Variants in CERT1 observed in about 807,000 individuals in gnomAD.
The protein encoded by CERT1 is ceramide transfer protein.
CERT1 carries 31 observed loss-of-function variants against 87.9 expected under a neutral mutation model. The observed-to-expected ratio is 0.35, with a 90% CI of 0.27 to 0.48. The LOEUF (loss-of-function observed/expected upper bound fraction) is 0.48, where lower values mean the gene tolerates loss of function less well. CERT1 is among the 20% of genes least tolerant of loss of function. The pLI, the probability that CERT1 is intolerant of heterozygous loss-of-function variation, is 0.99. For missense variants in CERT1, 487 were observed against 758.0 expected (o/e 0.64, Z 4.20); for synonymous variants, 289 against 250.9 (o/e 1.15, Z -1.44).
chr5:75,373,596 C>CA (rs1761161508), downstream of CERT1: 2 of 152,300 alleles, frequency 1.3e-5, no homozygotes, highest in South Asian at 4.1e-4. Flanking sequence ...AGGTTACTGA[C>CA]AGCCCTCAGT....
At chr5:75,459,209 G>A (rs1765126125) in intron 2 of CERT1, 28 bp from the exon 3 acceptor site, 1 of 1,396,330 alleles carries the variant, frequency 7.2e-7, no homozygotes, top group African/African-American at 1.4e-5. Flanking sequence ...AAAATGAAAA[G>A]CAAAGCTAAT....
chr5:75,485,196 G>A (rs1267702738), intron 2 of CERT1, among the ~76,000 whole-genome samples: 1 of 151,564 alleles, frequency 6.6e-6, no homozygotes, highest in Non-Finnish European at 1.5e-5. Flanking sequence ...GGTTGGGAGT[G>A]GTGTTTCACA....
intron 16 of CERT1, among the ~76,000 whole-genome samples, chr5:75,380,633 A>G (rs1341757209): frequency 6.6e-6 from 1 of 152,000 alleles, no homozygotes; most frequent in East Asian, 1.9e-4. Context: ...CTAAAAATAC[A>G]AAAAACTAGC....
At chr5:75,406,838 C>G (rs1289969571) in intron 8 of CERT1, among the ~76,000 whole-genome samples, 1 of 152,052 alleles carries the variant, frequency 6.6e-6, no homozygotes, top group African/African-American at 2.4e-5. Context: ...AGCCACCACA[C>G]CCAGCCACAT....
intron 2 of CERT1, among the ~76,000 whole-genome samples, chr5:75,494,050 T>C (rs947548089): frequency 8.5e-5 from 13 of 152,304 alleles, no homozygotes; most frequent in Admixed American, 5.2e-4. Flanking sequence ...TTCCTTCTTT[T>C]TGTTGGACAT....
intron 3 of CERT1, among the ~76,000 whole-genome samples, chr5:75,435,456 T>C (rs1468711787): frequency 3.3e-5 from 5 of 152,254 alleles, no homozygotes; most frequent in Admixed American, 1.3e-4. Context: ...TTCAGAGCCA[T>C]TGCTGGGGAG....
At chr5:75,379,682 T>C (rs1014248935) in intron 16 of CERT1, among the ~76,000 whole-genome samples, 1 of 152,034 alleles carries the variant, frequency 6.6e-6, no homozygotes, top group African/African-American at 2.4e-5. Flanking sequence ...GCCTCCGGGG[T>C]TCAAGTGATT....
At chr5:75,444,038 T>G (rs1764430478) in intron 3 of CERT1, among the ~76,000 whole-genome samples, 1 of 152,192 alleles carries the variant, frequency 6.6e-6, no homozygotes, top group Admixed American at 6.5e-5. Context: ...TCTTTGGATC[T>G]CAAGTGTCAT....
intron 2 of CERT1, among the ~76,000 whole-genome samples, chr5:75,472,776 G>A (rs186466511): frequency 6.6e-6 from 1 of 152,264 alleles, no homozygotes; most frequent in East Asian, 1.9e-4. Flanking sequence ...GTGTTGGCAA[G>A]AGTGTGGAGA....
chr5:75,410,945 T>C, intron 8 of CERT1, 66 bp downstream of exon 8: 1 of 846,908 alleles, frequency 1.2e-6, no homozygotes, highest in Non-Finnish European at 1.9e-6. Context: ...AGAGTATTAT[T>C]AAAAAATCAC....
chr5:75,478,325 TAAAA>T (rs995415337), intron 2 of CERT1, among the ~76,000 whole-genome samples: 8 of 145,120 alleles, frequency 5.5e-5, no homozygotes, highest in African/African-American at 1.8e-4. Context: ...AAAAAAAAAA[TAAAA>T]AAAAGAAAAG....
chr5:75,444,548 CTTTTT>C (rs952234196), intron 3 of CERT1, among the ~76,000 whole-genome samples: 4 of 128,808 alleles, frequency 3.1e-5, no homozygotes, highest in Admixed American at 7.7e-5. Flanking sequence ...CTTTTCTTTT[CTTTTT>C]TTTTTTTTTT....
intron 3 of CERT1, among the ~76,000 whole-genome samples, chr5:75,442,377 C>T (rs867999046): frequency 3.3e-5 from 5 of 152,268 alleles, no homozygotes; most frequent in Non-Finnish European, 7.4e-5. Context: ...CACACCACCA[C>T]GTCCAGCTAA....
intron 11 of CERT1, among the ~76,000 whole-genome samples, chr5:75,394,691 T>C (rs1323736319): frequency 1.3e-5 from 2 of 151,870 alleles, no homozygotes; most frequent in Non-Finnish European, 2.9e-5. Context: ...ACCACTGCAC[T>C]CCAGTCTGGG....
chr5:75,471,462 C>G (rs1765702643), intron 2 of CERT1, among the ~76,000 whole-genome samples: 1 of 152,058 alleles, frequency 6.6e-6, no homozygotes, highest in Admixed American at 6.6e-5. Context: ...GGACTACTGG[C>G]TTAGAAGTGG....
At chr5:75,488,708 A>C (rs1005902570) in intron 2 of CERT1, among the ~76,000 whole-genome samples, 3 of 152,040 alleles carry the variant, frequency 2.0e-5, no homozygotes, top group African/African-American at 7.2e-5. Context: ...GTGTGGTGCT[A>C]ATCCAATTAT....
rs954277630 is a variant in CERT1, at chr5:75,379,326, T to C, written c.*20A>G. The C allele has an allele frequency of 2.5e-6, 4 of 1,577,936 alleles. No homozygotes were observed. Among genetic ancestry groups the C allele is most frequent in the Admixed American group, 1.9e-5 (1 of 51,896 alleles). ...TAAAGTTAAAAAAAGATAAAACATA[T>C]CTTCTAGTACCTGTTAATACTAGAA... On this transcript the variant is annotated 3_prime_UTR_variant, in exon 17 of 17. Coordinates refer to ENST00000643780, the MANE Select transcript of CERT1 (RefSeq NM_001379029.1).
intron 2 of CERT1, among the ~76,000 whole-genome samples, chr5:75,463,235 T>C (rs1415389437): frequency 1.3e-5 from 2 of 152,024 alleles, no homozygotes; most frequent in Non-Finnish European, 2.9e-5. Flanking sequence ...ATAAAGGAAA[T>C]GCTATAGGAC....
In CERT1 at chr5:75,425,173, T is replaced by G. The variant is rs1000471836; in HGVS notation, c.595+188A>C. The G allele has an allele frequency of 3.0e-5, 16 of 534,928 alleles. No homozygotes were observed. The African/African-American group carries it at 3.1e-4, about 10-fold the overall frequency. 33.1% of individuals were successfully genotyped at this position (534,928 alleles called of 1,614,324 possible). The stretch of plus-strand genomic sequence containing the variant: ...CTTCAATGGCATCTGGTATGGATGA[T>G]CAAAATGAATTAGTATGTGTAACTG... On this transcript the variant is annotated intron_variant, in intron 5 of 16. Coordinates refer to ENST00000643780, the MANE Select transcript of CERT1 (RefSeq NM_001379029.1).
Sources: allele counts gnomAD v4.1 joint callset (sites outside exome capture counted in the v4.1 genomes callset), GRCh38; gene constraint gnomAD v4.1.1; transcripts MANE v1.5; gene names NCBI Gene and HGNC (gene_info 2026-07-23, HGNC 2026-07-21).